The following TANK variants were observed in gnomAD, a reference collection of about 807,000 sequenced individuals.
TANK encodes the protein TRAF family member associated NFKB activator.
TANK carries 15 observed loss-of-function variants against 43.6 expected under a neutral mutation model. The ratio of observed to expected loss-of-function variants is 0.34; its 90% CI spans 0.23 to 0.53. The LOEUF is 0.53. TANK is among the 20% of genes least tolerant of loss of function. The pLI is 0.94. For missense variants in TANK, 417 were observed against 498.6 expected, an observed-to-expected ratio of 0.84 and a Z score of 1.56; for synonymous variants, 162 against 178.2, an observed-to-expected ratio of 0.91 and a Z score of 0.73.
chr2:161,161,494 CTA>C (rs1216363417), intron 1 of TANK: 1 of 1,526,224 alleles, frequency 6.6e-7, no homozygotes, highest in Non-Finnish European at 8.8e-7. Context: ...AATAATACAA[CTA>C]TGTGCAAAGC....
intron 2 of TANK, among the ~76,000 whole-genome samples, chr2:161,182,609 C>T (rs574386214): frequency 2.0e-5 from 3 of 152,200 alleles, no homozygotes; most frequent in South Asian, 2.1e-4. Flanking sequence ...CCTCCCAGCA[C>T]GTGGATGAGT....
chr2:161,220,394 G>C (rs553806025), intron 4 of TANK, among the ~76,000 whole-genome samples: 9 of 152,272 alleles, frequency 5.9e-5, no homozygotes, highest in Admixed American at 2.0e-4. Context: ...CCTGAGGTCA[G>C]GAGTTCGAAA....
chr2:161,204,811 A>C lies in TANK; in HGVS notation c.327+18A>C, dbSNP rs906049528. 1 of 1,602,396 alleles carries C rather than the reference A, an allele frequency of 6.2e-7. No individual in the cohort carries two copies. Among genetic ancestry groups the C allele is most frequent in the Non-Finnish European group, 8.5e-7 (1 of 1,176,484 alleles). On this transcript the variant is annotated intron_variant, in intron 4 of 7. Coordinates refer to ENST00000392749, the MANE Select transcript of TANK (RefSeq NM_001199135.3). ...TACCAAAGGTAGACATTGCTTCTGC[A>C]GAAAGCAGCATTTAAATGCTGATGC... is the stretch of plus-strand genomic sequence containing the variant.
chr2:161,203,506 G>A lies in TANK; in HGVS notation c.119G>A (p.Arg40Lys). Residue 40 changes from arginine (R) to lysine (K), a missense_variant, in exon 3 of 8, where the codon AGA becomes AAA. Physicochemically the swap from Arg to Lys is conservative, Grantham distance 26. Coordinates refer to ENST00000392749, the MANE Select transcript of TANK (RefSeq NM_001199135.3). ...LQQKTENYEQRIREQQEQLSL... is the reference protein window; with the variant it reads ...LQQKTENYEQKIREQQEQLSL... ...CAGCAGACTGAGAACTATGAGCAGA[G>A]AATACGTGAACAACAGGAACAGCTG... 1 of 1,611,244 alleles carries A rather than the reference G, an allele frequency of 6.2e-7. No individual in the cohort carries two copies. Among genetic ancestry groups the A allele is most frequent in the Non-Finnish European group, 8.5e-7 (1 of 1,179,026 alleles).
chr2:161,148,565 GTATCA>G (rs1371236533), intron 1 of TANK, among the ~76,000 whole-genome samples: 1 of 152,070 alleles, frequency 6.6e-6, no homozygotes, highest in Non-Finnish European at 1.5e-5. Context: ...TGTTATTTTG[GTATCA>G]TATCTAAAAT....
intron 2 of TANK, among the ~76,000 whole-genome samples, chr2:161,194,323 C>T (rs1295413413): frequency 6.6e-6 from 1 of 151,542 alleles, no homozygotes; most frequent in African/African-American, 2.4e-5. Context: ...CTCTTCTTGC[C>T]CCCTCTTGAT....
intron 4 of TANK, among the ~76,000 whole-genome samples, chr2:161,205,459 A>AAT (rs1486171156): frequency 6.6e-6 from 1 of 152,156 alleles, no homozygotes; most frequent in Admixed American, 6.5e-5. Context: ...CAGATTAGAT[A>AAT]ATAGCTTTCT....
chr2:161,169,240 T>C (rs1684834254), intron 1 of TANK, among the ~76,000 whole-genome samples: 1 of 152,202 alleles, frequency 6.6e-6, no homozygotes, highest in Admixed American at 6.5e-5. Flanking sequence ...TACAGAGTGA[T>C]TCTTCTAAAG....
intron 1 of TANK, among the ~76,000 whole-genome samples, chr2:161,140,800 T>C (rs572310847): frequency 6.7e-6 from 1 of 149,718 alleles, no homozygotes; most frequent in Admixed American, 6.6e-5. Context: ...CAGATTTATT[T>C]AGGATAGTAA....
At chr2:161,209,174 T>C (rs1574040019) in intron 4 of TANK, among the ~76,000 whole-genome samples, 1 of 152,200 alleles carries the variant, frequency 6.6e-6, no homozygotes, top group Non-Finnish European at 1.5e-5. Context: ...AATTCTAATA[T>C]GAATATACTT....
chr2:161,179,825 C>A, intron 2 of TANK, 64 bp downstream of exon 2: 1 of 1,530,546 alleles, frequency 6.5e-7, no homozygotes, highest in East Asian at 2.4e-5. Flanking sequence ...GAGCCTTTTG[C>A]ATCTGAAAAA....
rs74857037 is a variant in TANK, at chr2:161,225,603, C to T, written c.520+857C>T. 1.3e-4 allele frequency among the ~76,000 whole-genome samples: 20 copies of T among 152,256 alleles called. No individual in the cohort carries two copies. The East Asian group carries it at 3.5e-3, about 26-fold the overall frequency. On this transcript the variant is annotated intron_variant, in intron 6 of 7. Transcript: ENST00000392749. ...TCTGGCAACCAAACACTTCTGCAAA[C>T]AAAAGGAAGGTAAACTGATCATTTA...
At chr2:161,232,919 C>A in intron 7 of TANK, 1 of 1,426,876 alleles carries the variant, frequency 7.0e-7, no homozygotes, top group Non-Finnish European at 9.4e-7. Context: ...GATATTTTGG[C>A]AGAAAAAGCA....
intron 1 of TANK, among the ~76,000 whole-genome samples, chr2:161,176,455 G>A (rs1277036115): frequency 6.6e-6 from 1 of 152,128 alleles, no homozygotes; most frequent in African/African-American, 2.4e-5. Flanking sequence ...ATGCATCCGT[G>A]TGGAATTTAC....
chr2:161,196,308 C>G (rs1440058129), intron 2 of TANK, among the ~76,000 whole-genome samples: 6 of 151,912 alleles, frequency 3.9e-5, no homozygotes, highest in East Asian at 1.9e-4. Flanking sequence ...AAGTGCTTCC[C>G]CAGGAACAGT....
intron 1 of TANK, among the ~76,000 whole-genome samples, chr2:161,175,933 C>T (rs1209133454): frequency 6.6e-6 from 1 of 152,108 alleles, no homozygotes; most frequent in Admixed American, 6.6e-5. Flanking sequence ...AGCCCTGCTA[C>T]CTTCAGGGAT....
chr2:161,137,606 G>C (rs1683623702), intron 1 of TANK, among the ~76,000 whole-genome samples: 1 of 152,102 alleles, frequency 6.6e-6, no homozygotes, highest in Non-Finnish European at 1.5e-5. Context: ...GTAAATTAAA[G>C]TAAAAATGTA....
intron 2 of TANK, among the ~76,000 whole-genome samples, chr2:161,181,013 A>G (rs1685398114): frequency 6.6e-6 from 1 of 151,434 alleles, no homozygotes; most frequent in African/African-American, 2.4e-5. Flanking sequence ...GTATAGTCTT[A>G]AGTGGGCTGG....
chr2:161,201,124 C>G, intron 2 of TANK: 1 of 985,364 alleles, frequency 1.0e-6, no homozygotes, highest in Non-Finnish European at 1.2e-6. Flanking sequence ...TCTTGCTGTT[C>G]TGTTTCCCTT....
Sources: gnomAD v4.1 joint callset for allele counts (sites outside exome capture counted in the v4.1 genomes callset) on GRCh38, gnomAD v4.1.1 for gene constraint, MANE v1.5 for transcripts, NCBI Gene and HGNC (gene_info 2026-07-23, HGNC 2026-07-21) for gene names.